Variants in TCF7L2 observed in about 807,000 individuals in gnomAD.
TCF7L2 encodes the protein transcription factor 7-like 2.
Under a neutral mutation model 77.9 loss-of-function variants are expected in TCF7L2, and 23 were observed. The ratio of observed to expected loss-of-function variants is 0.30; its 90% CI spans 0.21 to 0.42. The LOEUF is 0.42. Among genes scored for constraint, TCF7L2 ranks in the 10% least tolerant of loss-of-function variants. The probability of loss-of-function intolerance (pLI) is 1.00; values close to 1 mark genes in which losing one functional copy is unlikely to be tolerated. For missense variants in TCF7L2, 654 were observed against 793.1 expected (o/e 0.82, Z 2.11); for synonymous variants, 413 against 340.2 (o/e 1.21, Z -2.36).
At chr10:113,003,734 G>T (rs1239843696) in intron 4 of TCF7L2, among the ~76,000 whole-genome samples, 1 of 152,156 alleles carries the variant, frequency 6.6e-6, no homozygotes, top group Admixed American at 6.5e-5. Context: ...TTCTTTTAGG[G>T]AACTTGCTTG....
intron 3 of TCF7L2, among the ~76,000 whole-genome samples, chr10:112,959,461 T>A (rs1341983219): frequency 1.3e-5 from 2 of 152,212 alleles, no homozygotes; most frequent in Non-Finnish European, 2.9e-5. Context: ...GATGGAACAT[T>A]GAGACAGTAG....
intron 4 of TCF7L2, among the ~76,000 whole-genome samples, chr10:113,011,632 C>T (rs1480980866): frequency 6.6e-6 from 1 of 151,976 alleles, no homozygotes; most frequent in African/African-American, 2.4e-5. Context: ...TTGAGTGTTG[C>T]TGTTGAGTAT....
rs188070971 is a variant in TCF7L2, at chr10:113,077,800, G to A, written c.552+37674G>A. ...CTGCAACCTCTGCCTCCCAGGTTCA[G>A]GCGATTCACCTGCCTTGGCCTCCTG... On this transcript the variant is annotated intron_variant, in intron 5 of 13. Coordinates refer to ENST00000627217, the MANE Select transcript of TCF7L2 (RefSeq NM_001146274.2). 1.0e-3 allele frequency among the ~76,000 whole-genome samples: 152 copies of A among 150,136 alleles called. 1 individual carries two copies. Among genetic ancestry groups the A allele is most frequent in the African/African-American group, 3.5e-3 (144 of 41,006 alleles).
At chr10:112,966,218 T>A (rs2036875844) in intron 4 of TCF7L2, among the ~76,000 whole-genome samples, 1 of 107,496 alleles carries the variant, frequency 9.3e-6, no homozygotes, top group Non-Finnish European at 1.8e-5. Context: ...ATATTTTCTT[T>A]TCTTGATTAC....
chr10:113,077,713 T>A (rs890457927), intron 5 of TCF7L2, among the ~76,000 whole-genome samples: 1 of 149,948 alleles, frequency 6.7e-6, no homozygotes, highest in Admixed American at 6.6e-5. Context: ...TTTTTTTTTT[T>A]TTTTTGAGAT....
At chr10:113,029,735 C>T (rs1267233262) in intron 4 of TCF7L2, among the ~76,000 whole-genome samples, 1 of 151,992 alleles carries the variant, frequency 6.6e-6, no homozygotes, top group Non-Finnish European at 1.5e-5. Flanking sequence ...TCACTTTGGT[C>T]AGTCTGGTCA....
rs567096419 is a variant in TCF7L2, at chr10:113,038,178, A to AAGTC, written c.451-1846_451-1843dup. On this transcript the variant is annotated intron_variant, in intron 4 of 13. Coordinates refer to ENST00000627217, the MANE Select transcript of TCF7L2 (RefSeq NM_001146274.2). ...ACTGTCTGGGGGCTTGGAGTCCTAC[A>AAGTC]AGTCCTTCAGTGTTTGGGGCAGACT... Among the ~76,000 whole-genome samples the AAGTC allele has an allele frequency of 1.8e-4, 27 of 152,284 alleles. No homozygotes were observed. In the East Asian group the frequency reaches 5.0e-3, roughly 28 times the overall value.
At chr10:113,140,910 T>C (rs901893464) in intron 5 of TCF7L2, among the ~76,000 whole-genome samples, 4 of 152,204 alleles carry the variant, frequency 2.6e-5, no homozygotes, top group Admixed American at 6.5e-5. Flanking sequence ...TGCAGACTCT[T>C]GGGCTCCATA....
chr10:113,160,093 C>G (rs1406747831), intron 12 of TCF7L2, 101 bp downstream of exon 14: 1 of 1,061,938 alleles, frequency 9.4e-7, no homozygotes, highest in Non-Finnish European at 1.4e-6. Context: ...GTGTGTGGAT[C>G]TCAGGAGACA....
intron 5 of TCF7L2, among the ~76,000 whole-genome samples, chr10:113,133,750 C>T (rs147444528): frequency 6.6e-6 from 1 of 152,228 alleles, no homozygotes; most frequent in Non-Finnish European, 1.5e-5. Context: ...AATCATCTCT[C>T]TTCCTCTTCT....
chr10:113,073,933 C>T (rs1053932678), intron 5 of TCF7L2, among the ~76,000 whole-genome samples: 1 of 152,216 alleles, frequency 6.6e-6, no homozygotes, highest in East Asian at 1.9e-4. Flanking sequence ...TATAGCATTT[C>T]TCTGCTCTGT....
chr10:113,034,082 G>T (rs1298892180), intron 4 of TCF7L2, among the ~76,000 whole-genome samples: 1 of 152,152 alleles, frequency 6.6e-6, no homozygotes, highest in Non-Finnish European at 1.5e-5. Flanking sequence ...ATTTTCCATC[G>T]TCCATTTCTG....
chr10:112,968,468 A>G (rs1465463094), intron 4 of TCF7L2, among the ~76,000 whole-genome samples: 2 of 152,246 alleles, frequency 1.3e-5, no homozygotes, highest in African/African-American at 4.8e-5. Flanking sequence ...TACAGCATAT[A>G]ATATATACAT....
intron 4 of TCF7L2, among the ~76,000 whole-genome samples, chr10:112,971,362 G>T (rs2038200415): frequency 6.6e-6 from 1 of 151,988 alleles, no homozygotes; most frequent in South Asian, 2.1e-4. Context: ...CCTCTGCCTT[G>T]CTCTGTTGTC....
Position 112,950,675 on chromosome 10 carries a change from A to C in TCF7L2, c.-82A>C. Reference sequence around the variant, plus strand: ...TCTTGCAATATTTTTTGGGGGGGCAAAACTTTTTGGGGGTGATTTTTTTTG... The same window carrying C: ...TCTTGCAATATTTTTTGGGGGGGCACAACTTTTTGGGGGTGATTTTTTTTG... On this transcript the variant is annotated 5_prime_UTR_variant, in exon 1 of 14. Coordinates refer to ENST00000627217, the MANE Select transcript of TCF7L2 (RefSeq NM_001146274.2). 6.7e-7 allele frequency: 1 copy of C among 1,491,936 alleles called. No homozygotes were observed. Among genetic ancestry groups the C allele is most frequent in the Non-Finnish European group, 8.9e-7 (1 of 1,121,524 alleles). 92.4% of individuals were successfully genotyped at this position (1,491,936 alleles called of 1,614,324 possible). A position where few individuals can be genotyped will look rare whatever the true frequency, so the allele number is the denominator to read the frequency against.
intron 8 of TCF7L2, among the ~76,000 whole-genome samples, chr10:113,150,487 G>C (rs894226906): frequency 5.3e-5 from 8 of 152,128 alleles, no homozygotes; most frequent in Admixed American, 6.5e-5. Context: ...AATAAAAATT[G>C]TATTGCACTT....
intron 4 of TCF7L2, among the ~76,000 whole-genome samples, chr10:112,980,588 G>A (rs916948439): frequency 1.3e-4 from 20 of 151,722 alleles, no homozygotes; most frequent in South Asian, 4.2e-4. Context: ...CTGGTCTTAA[G>A]TCACTAGTTT....
chr10:113,070,266 A>ATTTATATATATATATAT (rs953072031), intron 5 of TCF7L2, among the ~76,000 whole-genome samples: 16 of 96,434 alleles, frequency 1.7e-4, no homozygotes, highest in South Asian at 3.0e-4. Context: ...AAAAAAAAAA[A>ATTTATATATATATATAT]ATTTATATAT....
intron 4 of TCF7L2, among the ~76,000 whole-genome samples, chr10:113,023,807 T>TACAGGCACCTGCCACC (rs2048636421): frequency 6.6e-6 from 1 of 152,076 alleles, no homozygotes; most frequent in East Asian, 2.0e-4. Flanking sequence ...TAGCTGGGAC[T>TACAGGCACCTGCCACC]ACAGGCACCT....
Sources: gnomAD v4.1 joint callset for allele counts (sites outside exome capture counted in the v4.1 genomes callset) on GRCh38, gnomAD v4.1.1 for gene constraint, MANE v1.5 for transcripts, NCBI Gene and HGNC (gene_info 2026-07-23, HGNC 2026-07-21) for gene names.